The following PPP3R1 variants were observed in gnomAD, a reference collection of about 807,000 sequenced individuals.
PPP3R1 encodes the protein calcineurin subunit B type 1.
PPP3R1 carries 5 observed loss-of-function variants against 22.6 expected under a neutral mutation model. That is an observed-to-expected ratio of 0.22 (90% CI 0.12 to 0.46). PPP3R1 has a LOEUF of 0.46. PPP3R1 is among the 20% of genes least tolerant of loss of function. The probability of loss-of-function intolerance (pLI) is 0.99; values close to 1 mark genes in which losing one functional copy is unlikely to be tolerated. For synonymous variants in PPP3R1, 56 were observed against 65.2 expected, an observed-to-expected ratio of 0.86 and a Z score of 0.68; for missense variants, 61 against 203.2, an observed-to-expected ratio of 0.30 and a Z score of 4.25.
At chr2:68,246,575 G>C (rs1165821090) in intron 1 of PPP3R1, among the ~76,000 whole-genome samples, 1 of 152,138 alleles carries the variant, frequency 6.6e-6, no homozygotes, top group African/African-American at 2.4e-5. Flanking sequence ...ACATCTTTAA[G>C]TTCTCTTTCT....
At chr2:68,239,630 G>A (rs778526428) in intron 1 of PPP3R1, among the ~76,000 whole-genome samples, 38 of 152,186 alleles carry the variant, frequency 2.5e-4, no homozygotes, top group Non-Finnish European at 4.3e-4. Context: ...TGAAAAATAC[G>A]AATGAATCAT....
At chr2:68,233,052 C>CACAA (rs1377032630) in intron 1 of PPP3R1, among the ~76,000 whole-genome samples, 10 of 152,178 alleles carry the variant, frequency 6.6e-5, no homozygotes, top group African/African-American at 2.4e-4. Flanking sequence ...TTCTTATTCA[C>CACAA]ACAAAAGCAG....
chr2:68,233,863 A>C (rs183638473), intron 1 of PPP3R1, among the ~76,000 whole-genome samples: 45 of 152,354 alleles, frequency 3.0e-4, no homozygotes, highest in Admixed American at 4.6e-4. Context: ...TGGATCTAGA[A>C]AGTAATCCTT....
At chr2:68,220,837 T>G (rs1669675278) in intron 1 of PPP3R1, among the ~76,000 whole-genome samples, 1 of 152,086 alleles carries the variant, frequency 6.6e-6, no homozygotes, top group Admixed American at 6.5e-5. Context: ...TAGAGACTGG[T>G]GGGTGCCAGT....
chr2:68,220,514 A>C (rs1669668451), intron 1 of PPP3R1, among the ~76,000 whole-genome samples: 1 of 152,224 alleles, frequency 6.6e-6, no homozygotes, highest in Non-Finnish European at 1.5e-5. Flanking sequence ...TATATTGGCC[A>C]TGAATTAAAG....
chr2:68,235,963 A>C (rs955278585), intron 1 of PPP3R1, among the ~76,000 whole-genome samples: 2 of 152,156 alleles, frequency 1.3e-5, no homozygotes, highest in Admixed American at 1.3e-4. Flanking sequence ...CTTTGCATGC[A>C]CTACTGACAT....
chr2:68,184,692 G>A (rs563821355), intron 5 of PPP3R1, among the ~76,000 whole-genome samples: 3 of 152,148 alleles, frequency 2.0e-5, no homozygotes, highest in South Asian at 2.1e-4. Context: ...AGTTACAAGC[G>A]CTTGATCAAT....
At chr2:68,186,443 G>A in intron 5 of PPP3R1, 25 bp downstream of exon 5, 5 of 1,566,612 alleles carry the variant, frequency 3.2e-6, no homozygotes, top group South Asian at 1.2e-5. Flanking sequence ...ATAACTAACG[G>A]AAGAACCAGC....
intron 1 of PPP3R1, among the ~76,000 whole-genome samples, chr2:68,251,791 T>G (rs1420636487): frequency 8.6e-5 from 12 of 139,468 alleles, no homozygotes; most frequent in South Asian, 2.3e-4. Flanking sequence ...AGAAGGAGAG[T>G]GCGCCGGGCT....
At chr2:68,201,031 T>A (rs1674965445) in intron 2 of PPP3R1, among the ~76,000 whole-genome samples, 1 of 152,220 alleles carries the variant, frequency 6.6e-6, no homozygotes, top group Non-Finnish European at 1.5e-5. Context: ...TTTATTTTTT[T>A]AAACTAAAAT....
intron 2 of PPP3R1, among the ~76,000 whole-genome samples, chr2:68,202,115 T>C (rs761796748): frequency 3.9e-5 from 6 of 152,248 alleles, no homozygotes; most frequent in Non-Finnish European, 8.8e-5. Flanking sequence ...TCACTCTGTG[T>C]TCTCCAAATC....
intron 2 of PPP3R1, among the ~76,000 whole-genome samples, chr2:68,216,482 A>ATTTTT (rs1174716838): frequency 1.7e-3 from 253 of 151,798 alleles, no homozygotes; most frequent in East Asian, 6.8e-3. Context: ...AAAATTAAAA[A>ATTTTT]AAAAAAAGGA....
At chr2:68,217,223 G>A (rs1377722073) in intron 1 of PPP3R1, 92 bp from the exon 2 acceptor site, 8 of 850,836 alleles carry the variant, frequency 9.4e-6, no homozygotes. Flanking sequence ...AAAACATAGG[G>A]AAATAAGCCA....
rs577550583 is a variant in PPP3R1 at position 68,183,484 on chromosome 2, A to G, written c.466-2474T>C. On this transcript the variant is annotated intron_variant, in intron 5 of 5. Coordinates refer to ENST00000234310, the MANE Select transcript of PPP3R1 (RefSeq NM_000945.4). ...TGCTCCATAAGCCCTCTCAGAAAAC[A>G]TATTATTTTTGGCTTTGGAGTATTT... is the stretch of plus-strand genomic sequence containing the variant. Among the ~76,000 whole-genome samples the G allele has an allele frequency of 3.3e-5, 5 of 152,298 alleles. No homozygotes were observed. The East Asian group carries it at 9.6e-4, about 29-fold the overall frequency.
chr2:68,186,412 T>TTAA lies in PPP3R1; in HGVS notation c.465+55_465+56insTTA. ...TATGGAAATTCTCTATTAAGTGGTT[T>TTAA]TTAAAATATGTTGCTGAAACATAAC... On this transcript the variant is annotated intron_variant, in intron 5 of 5. Coordinates refer to ENST00000234310, the MANE Select transcript of PPP3R1 (RefSeq NM_000945.4). 6 of 1,493,342 alleles carry TTAA rather than the reference T, an allele frequency of 4.0e-6. No homozygotes were observed. In the South Asian group the frequency reaches 6.5e-5, roughly 16 times the overall value. 92.5% of individuals were successfully genotyped at this position (1,493,342 alleles called of 1,614,324 possible). A position where few individuals can be genotyped will look rare whatever the true frequency, so the allele number is the denominator to read the frequency against.
At position 68,252,306 on chromosome 2, in the gene PPP3R1, G is replaced by A; in HGVS notation, c.-179C>T. The A allele has an allele frequency of 6.8e-6, 7 of 1,025,772 alleles. No homozygotes were observed. Among genetic ancestry groups the A allele is most frequent in the Non-Finnish European group, 8.2e-6 (7 of 857,562 alleles). 63.5% of individuals were successfully genotyped at this position (1,025,772 alleles called of 1,614,324 possible). Reference sequence around the variant, plus strand: ...GGGCCCGCGCCGGCCGGGCGATTGGGCACGCGAGGGAGCGGGCAGGGTAGG... The same window carrying A: ...GGGCCCGCGCCGGCCGGGCGATTGGACACGCGAGGGAGCGGGCAGGGTAGG... On this transcript the variant is annotated 5_prime_UTR_variant, in exon 1 of 6. Transcript: ENST00000234310.
At chr2:68,241,211 T>C (rs1177461210) in intron 1 of PPP3R1, among the ~76,000 whole-genome samples, 1 of 151,200 alleles carries the variant, frequency 6.6e-6, no homozygotes, top group African/African-American at 2.4e-5. Context: ...GCACACATCC[T>C]CCTGTATACT....
chr2:68,187,242 G>A lies in PPP3R1; in HGVS notation c.280+13C>T, dbSNP rs374029200. The A allele has an allele frequency of 6.3e-7, 1 of 1,594,312 alleles. No homozygotes were observed. Among genetic ancestry groups the A allele is most frequent in the South Asian group, 1.1e-5 (1 of 89,074 alleles). ...AGTATAAGAGAATGAAGTCAGTGAA[G>A]AAAAATACTTACACCTCAATTTCTG... On this transcript the variant is annotated intron_variant, in intron 4 of 5. Transcript: ENST00000234310.
At chr2:68,203,099 T>C (rs547856236) in intron 2 of PPP3R1, among the ~76,000 whole-genome samples, 1 of 152,300 alleles carries the variant, frequency 6.6e-6, no homozygotes, top group South Asian at 2.1e-4. Flanking sequence ...AATGCTTTAC[T>C]GAGAGCAAGC....
Sources: allele counts gnomAD v4.1 joint callset (sites outside exome capture counted in the v4.1 genomes callset), GRCh38; gene constraint gnomAD v4.1.1; transcripts MANE v1.5; gene names NCBI Gene and HGNC (gene_info 2026-07-23, HGNC 2026-07-21).